SOAT1: variants seen among roughly 807,000 people sequenced by gnomAD.
SOAT1 encodes the protein acyl-coenzyme A:cholesterol acyltransferase 1.
A neutral mutation model predicts 69.5 loss-of-function variants in SOAT1; 55 were observed. That is an observed-to-expected ratio of 0.79 (90% CI 0.64 to 0.99). SOAT1 has a LOEUF of 0.99. Ranked by LOEUF, SOAT1 falls within the 50% of genes least tolerant of loss-of-function variation. SOAT1 has a pLI of 0.00. For synonymous variants in SOAT1, 231 were observed against 224.7 expected, an observed-to-expected ratio of 1.03 and a Z score of -0.25; for missense variants, 580 against 669.3, an observed-to-expected ratio of 0.87 and a Z score of 1.47.
intron 6 of SOAT1, 36 bp from the exon 7 acceptor site, chr1:179,340,991 CA>C (rs1310344836): frequency 1.3e-6 from 2 of 1,586,482 alleles, no homozygotes; most frequent in Non-Finnish European, 1.7e-6. Context: ...ATTAAAAATT[CA>C]CCTCTATGTT....
intron 9 of SOAT1, among the ~76,000 whole-genome samples, chr1:179,343,342 A>G (rs1190523675): frequency 6.6e-6 from 1 of 151,990 alleles, no homozygotes; most frequent in East Asian, 1.9e-4. Context: ...CTCCTGCCTC[A>G]GCATCCCAAG....
chr1:179,322,444 G>A (rs1049928811), intron 2 of SOAT1, among the ~76,000 whole-genome samples: 3 of 151,622 alleles, frequency 2.0e-5, no homozygotes, highest in East Asian at 1.9e-4. Flanking sequence ...GTGCAGTGGC[G>A]CAATCTCGGC....
At chr1:179,304,569 T>C (rs59340306) in intron 2 of SOAT1, among the ~76,000 whole-genome samples, 40,991 of 151,882 alleles carry the variant, frequency 0.27, 5,706 homozygotes, top group East Asian at 0.46. Flanking sequence ...TGAGCCACCA[T>C]GCCCAGCCCT....
chr1:179,354,542 A>T lies in SOAT1; in HGVS notation c.*901A>T, dbSNP rs1170506992. The T allele has an allele frequency of 6.6e-6, 1 of 152,168 alleles. No individual in the cohort carries two copies. The highest frequency in any genetic ancestry group is 1.5e-5 in the Non-Finnish European group (1 of 67,998). The allele number at this position is 152,168 out of a possible 1,614,324, so 9.4% of individuals were successfully genotyped here. Reference sequence around the variant, plus strand: ...TTTAGAAATATCCTTTGGAACAATTATTTTATTGTCTAATAAATATTGACT... The same window carrying T: ...TTTAGAAATATCCTTTGGAACAATTTTTTTATTGTCTAATAAATATTGACT... On this transcript the variant is annotated 3_prime_UTR_variant, in exon 16 of 16. Transcript: ENST00000367619.
chr1:179,294,846 T>A (rs915613561), intron 1 of SOAT1, among the ~76,000 whole-genome samples: 3 of 152,250 alleles, frequency 2.0e-5, no homozygotes, highest in Admixed American at 6.5e-5. Flanking sequence ...TGGTCACTTT[T>A]TAATATTTAA....
At chr1:179,294,834 G>T (rs914414995) in intron 1 of SOAT1, among the ~76,000 whole-genome samples, 3 of 152,152 alleles carry the variant, frequency 2.0e-5, no homozygotes, top group African/African-American at 7.2e-5. Flanking sequence ...CGCCTGGCCT[G>T]TTGGTCACTT....
At chr1:179,329,561 T>C (rs1259851133) in intron 3 of SOAT1, among the ~76,000 whole-genome samples, 1 of 151,488 alleles carries the variant, frequency 6.6e-6, no homozygotes, top group African/African-American at 2.4e-5. Flanking sequence ...TTACTAAAAA[T>C]ACAACAAAAA....
At chr1:179,299,946 A>G (rs1177531793) in intron 1 of SOAT1, among the ~76,000 whole-genome samples, 1 of 146,598 alleles carries the variant, frequency 6.8e-6, no homozygotes, top group Non-Finnish European at 1.5e-5. Context: ...TATTTTTCGT[A>G]GAGATGGGGT....
At chr1:179,315,418 C>T (rs1665358264) in intron 2 of SOAT1, among the ~76,000 whole-genome samples, 2 of 151,800 alleles carry the variant, frequency 1.3e-5, no homozygotes, top group South Asian at 4.2e-4. Flanking sequence ...GAGCTATGAT[C>T]ATGCCATAGC....
chr1:179,338,088 G>A (rs560204887), intron 5 of SOAT1, among the ~76,000 whole-genome samples, 192 bp downstream of exon 5: 1 of 152,114 alleles, frequency 6.6e-6, no homozygotes, highest in South Asian at 2.1e-4. Flanking sequence ...GAGGAGTTAG[G>A]GATAAGAATG....
intron 2 of SOAT1, among the ~76,000 whole-genome samples, chr1:179,314,337 G>A (rs1336919167): frequency 6.6e-6 from 1 of 152,102 alleles, no homozygotes; most frequent in East Asian, 1.9e-4. Context: ...AATTTAACAA[G>A]CCTGGTTATT....
At position 179,308,645 on chromosome 1, in the gene SOAT1, C is replaced by T. The variant is rs569694183; in HGVS notation, c.118+5843C>T. On this transcript the variant is annotated intron_variant, in intron 2 of 15. Coordinates refer to ENST00000367619, the MANE Select transcript of SOAT1 (RefSeq NM_003101.6). The stretch of plus-strand genomic sequence containing the variant: ...CGAGACCGCGCCACTGCACTCTAGC[C>T]TGGGTGACAGAGTAAGACTCCGTCC... Among the ~76,000 whole-genome samples the T allele has an allele frequency of 2.1e-5, 3 of 144,094 alleles. No individual in the cohort carries two copies. The South Asian group carries it at 6.6e-4, about 32-fold the overall frequency. The allele number at this position is 144,094 out of a possible 152,430, so 94.5% of individuals were successfully genotyped here.
intron 2 of SOAT1, among the ~76,000 whole-genome samples, chr1:179,306,941 A>G (rs1325614136): frequency 6.6e-6 from 1 of 152,210 alleles, no homozygotes; most frequent in Non-Finnish European, 1.5e-5. Flanking sequence ...TCCTTTTCAA[A>G]ACCAGCACAT....
Position 179,323,504 on chromosome 1 carries a change from C to T in SOAT1, c.177+9C>T. 1 of 1,611,178 alleles carries T rather than the reference C, an allele frequency of 6.2e-7. No homozygotes were observed. The highest frequency in any genetic ancestry group is 8.5e-7 in the Non-Finnish European group (1 of 1,177,876). Reference sequence around the variant, plus strand: ...TGACAGCAGAGGCAGAGGCAAGTAACTCCCTCTTCTAGAAACAAAAATGTA... The same window carrying T: ...TGACAGCAGAGGCAGAGGCAAGTAATTCCCTCTTCTAGAAACAAAAATGTA... On this transcript the variant is annotated intron_variant, in intron 3 of 15. Transcript: ENST00000367619.
Position 179,341,251 on chromosome 1 carries a change from T to A in SOAT1, c.721T>A (p.Tyr241Asn), listed in dbSNP as rs761965318. 13 of 1,614,178 alleles carry A rather than the reference T, an allele frequency of 8.1e-6. No homozygotes were observed. The South Asian group carries it at 1.4e-4, about 18-fold the overall frequency. The change falls in exon 7 of 16, where the codon TAT (tyrosine) becomes AAT (asparagine). Residue 241 changes from tyrosine (Y) to asparagine (N), a missense_variant. Transcript: ENST00000367619. ...QIGVLGFGPTYVVLAYTLPPA... is the reference protein window; with the variant it reads ...QIGVLGFGPTNVVLAYTLPPA... ...TGGAGTTCTAGGTTTTGGACCAACA[T>A]ATGTTGTGTTAGCATATACACTGCC... is the stretch of plus-strand genomic sequence containing the variant.
chr1:179,323,518 A>G (rs1665679130), intron 3 of SOAT1, 23 bp downstream of exon 3: 1 of 1,598,802 alleles, frequency 6.3e-7, no homozygotes, highest in Non-Finnish European at 8.6e-7. Flanking sequence ...CTCTTCTAGA[A>G]ACAAAAATGT....
intron 14 of SOAT1, among the ~76,000 whole-genome samples, chr1:179,351,017 C>CTTTTTTTT (rs1558060562): frequency 5.0e-4 from 7 of 13,944 alleles, no homozygotes; most frequent in African/African-American, 1.5e-3. Flanking sequence ...CTGTATATTT[C>CTTTTTTTT]TTTCTTTTTT....
intron 2 of SOAT1, among the ~76,000 whole-genome samples, chr1:179,311,242 T>A (rs1214926423): frequency 6.6e-6 from 1 of 152,172 alleles, no homozygotes; most frequent in African/African-American, 2.4e-5. Flanking sequence ...AACATGTGCC[T>A]GTAGCCGAAG....
Position 179,337,828 on chromosome 1 carries a change from T to C in SOAT1, c.330-9T>C. 6.2e-7 allele frequency: 1 copy of C among 1,603,510 alleles called. No individual in the cohort carries two copies. Among genetic ancestry groups the C allele is most frequent in the Non-Finnish European group, 8.5e-7 (1 of 1,174,188 alleles). The stretch of plus-strand genomic sequence containing the variant: ...ACTTATATCTTGTTTTAATTTTTCC[T>C]CTTCTCAGGGATTTGAGAGCACCTC... On this transcript the variant is annotated splice_polypyrimidine_tract_variant and intron_variant, in intron 4 of 15. Coordinates refer to ENST00000367619, the MANE Select transcript of SOAT1 (RefSeq NM_003101.6).
Sources: gnomAD v4.1 joint callset for allele counts (sites outside exome capture counted in the v4.1 genomes callset) on GRCh38, gnomAD v4.1.1 for gene constraint, MANE v1.5 for transcripts, NCBI Gene and HGNC (gene_info 2026-07-23, HGNC 2026-07-21) for gene names.